Variants in LATS1 observed in about 807,000 individuals in gnomAD.
LATS1 encodes large tumor suppressor kinase 1, also known as serine/threonine-protein kinase LATS1.
LATS1 carries 25 observed loss-of-function variants against 106.6 expected under a neutral mutation model. The ratio of observed to expected loss-of-function variants is 0.23; its 90% CI spans 0.17 to 0.33. The LOEUF (loss-of-function observed/expected upper bound fraction) is 0.33. LATS1 is among the 10% of genes least tolerant of loss of function. LATS1 has a pLI of 1.00. For synonymous variants in LATS1, 465 were observed against 455.6 expected, an observed-to-expected ratio of 1.02 and a Z score of -0.26; for missense variants, 1,040 against 1,382.6, an observed-to-expected ratio of 0.75 and a Z score of 3.93.
intron 1 of LATS1, among the ~76,000 whole-genome samples, chr6:149,710,466 T>A (rs1025975866): frequency 2.0e-5 from 3 of 152,226 alleles, no homozygotes; most frequent in Non-Finnish European, 1.5e-5. Flanking sequence ...ACATAGGTCA[T>A]GGGTCAGAGT....
chr6:149,704,887 T>TACACACACACACACACACACAC (rs57029776), intron 1 of LATS1, among the ~76,000 whole-genome samples: 2 of 139,798 alleles, frequency 1.4e-5, no homozygotes, highest in African/African-American at 5.4e-5. Flanking sequence ...AAATTAATTA[T>TACACACACACACACACACACAC]ACACACACAC....
intron 4 of LATS1, 27 bp downstream of exon 4, chr6:149,683,052 A>G (rs1159908481): frequency 1.3e-6 from 2 of 1,562,922 alleles, no homozygotes; most frequent in South Asian, 2.3e-5. Flanking sequence ...GATTAAGTAT[A>G]AAAATGGACA....
chr6:149,660,094 C>G lies in LATS1; in HGVS notation c.*1635G>C, dbSNP rs898091700. 4.3e-6 allele frequency: 1 copy of G among 232,236 alleles called. No homozygotes were observed. The highest frequency in any genetic ancestry group is 8.5e-6 in the Non-Finnish European group (1 of 117,622). 14.4% of individuals were successfully genotyped at this position (232,236 alleles called of 1,614,324 possible). A position where few individuals can be genotyped will look rare whatever the true frequency, so the allele number is the denominator to read the frequency against. ...TGGCACAGAGGTCCATAACCTACAG[C>G]CTGTGATAGGTTTCAATATGTCCAA... On this transcript the variant is annotated 3_prime_UTR_variant, in exon 8 of 8. Coordinates refer to ENST00000543571, the MANE Select transcript of LATS1 (RefSeq NM_004690.4).
In LATS1 at chr6:149,683,648, G is replaced by A; in HGVS notation, c.1441C>T (p.Pro481Ser). Residue 481 changes from proline (P) to serine (S), a missense_variant, in exon 4 of 8, where the codon CCT becomes TCT. Pro to Ser is a moderately conservative substitution (Grantham distance 74, BLOSUM62 -1). Around this residue, in one of 7 missense-constraint regions of LATS1, gnomAD observed 624 missense variants for 714.8 expected, o/e 0.87. Transcript: ENST00000543571. ...NRASHSANSQ[P>S]SATTVTAITP... ...ATTGCAGTGACTGTTGTAGCAGAAGGCTGAGAATTAGCAGAGTGACTTGCT... is the reference window on the plus strand; with the variant it reads ...ATTGCAGTGACTGTTGTAGCAGAAGACTGAGAATTAGCAGAGTGACTTGCT... The A allele has an allele frequency of 6.2e-7, 1 of 1,614,098 alleles. No homozygotes were observed. The highest frequency in any genetic ancestry group is 8.5e-7 in the Non-Finnish European group (1 of 1,179,998).
intron 5 of LATS1, among the ~76,000 whole-genome samples, chr6:149,678,345 A>AAAC (rs2114780671): frequency 1.3e-5 from 2 of 149,722 alleles, no homozygotes; most frequent in Non-Finnish European, 3.0e-5. Flanking sequence ...CTCCGTCTCA[A>AAAC]AAACAAACAA....
chr6:149,701,089 A>G (rs1362672384), intron 2 of LATS1, among the ~76,000 whole-genome samples: 1 of 152,218 alleles, frequency 6.6e-6, no homozygotes, highest in East Asian at 1.9e-4. Context: ...GGCCTGGCCT[A>G]ACTTTTGATT....
At chr6:149,712,486 T>G (rs921149682) in intron 1 of LATS1, among the ~76,000 whole-genome samples, 1 of 151,136 alleles carries the variant, frequency 6.6e-6, no homozygotes, top group Admixed American at 6.6e-5. Flanking sequence ...TGTGAGCCAC[T>G]GCGCCCAGCC....
At chr6:149,696,540 CAA>C (rs1317576961) in intron 2 of LATS1, among the ~76,000 whole-genome samples, 13 of 66,102 alleles carry the variant, frequency 2.0e-4, no homozygotes, top group Non-Finnish European at 2.7e-4. Flanking sequence ...GCCTGGGCAA[CAA>C]GAGTAAAACT....
intron 4 of LATS1, 65 bp downstream of exon 4, chr6:149,683,014 T>C (rs750898004): frequency 5.4e-6 from 7 of 1,304,922 alleles, no homozygotes; most frequent in East Asian, 4.7e-5. Context: ...GGACACAATA[T>C]TTTAAAATAA....
chr6:149,694,491 T>C (rs916818840), intron 3 of LATS1, among the ~76,000 whole-genome samples: 1 of 152,204 alleles, frequency 6.6e-6, no homozygotes, highest in African/African-American at 2.4e-5. Context: ...TCTATTTTAA[T>C]GTGGCTAGTA....
intron 3 of LATS1, among the ~76,000 whole-genome samples, chr6:149,686,439 G>A (rs1782378610): frequency 6.6e-6 from 1 of 152,026 alleles, no homozygotes; most frequent in African/African-American, 2.4e-5. Context: ...CTCCCACAGA[G>A]CTCTCCATGT....
At chr6:149,695,287 G>T (rs113287650) in intron 2 of LATS1, 66 bp from the exon 3 acceptor site, 13 of 1,007,638 alleles carry the variant, frequency 1.3e-5, no homozygotes, top group African/African-American at 9.9e-5. Flanking sequence ...ACAAGGGAAA[G>T]AACACTATGA....
At chr6:149,700,581 TAC>T (rs1287302550) in intron 2 of LATS1, among the ~76,000 whole-genome samples, 1 of 152,090 alleles carries the variant, frequency 6.6e-6, no homozygotes, top group Non-Finnish European at 1.5e-5. Context: ...TTAAATTAAA[TAC>T]AGATATATAT....
chr6:149,701,851 T>G lies in LATS1; in HGVS notation c.276A>C (p.Thr92=). The G allele has an allele frequency of 6.2e-7, 1 of 1,614,192 alleles. No individual in the cohort carries two copies. Among genetic ancestry groups the G allele is most frequent in the South Asian group, 1.1e-5 (1 of 91,084 alleles). The change falls in exon 2 of 8, where the codon ACA becomes ACC. Residue 92 remains threonine (T), a synonymous_variant. Coordinates refer to ENST00000543571, the MANE Select transcript of LATS1 (RefSeq NM_004690.4). The part of the protein sequence containing the change: ...RNSLLPFANE[T]NSSRSTSEVN... ...CTTCTGAAGTACTCCGAGAAGAATT[T>G]GTTTCATTTGCAAATGGAAGCAGAG...
Position 149,660,084 on chromosome 6 carries a change from TA to T in LATS1, c.*1644del, listed in dbSNP as rs1780831566. 4.3e-6 allele frequency: 1 copy of T among 232,420 alleles called. No homozygotes were observed. The highest frequency in any genetic ancestry group is 8.5e-6 in the Non-Finnish European group (1 of 117,680). The allele number at this position is 232,420 out of a possible 1,614,324, so 14.4% of individuals were successfully genotyped here. A position where few individuals can be genotyped will look rare whatever the true frequency, so the allele number is the denominator to read the frequency against. ...AATTTTCTCATGGCACAGAGGTCCA[TA>T]ACCTACAGCCTGTGATAGGTTTCAA... On this transcript the variant is annotated 3_prime_UTR_variant, in exon 8 of 8. Coordinates refer to ENST00000543571, the MANE Select transcript of LATS1 (RefSeq NM_004690.4).
chr6:149,683,352 A>G lies in LATS1; in HGVS notation c.1737T>C (p.Pro579=). The change falls in exon 4 of 8, where the codon CCT becomes CCC. Residue 579 remains proline, a synonymous_variant. Coordinates refer to ENST00000543571, the MANE Select transcript of LATS1 (RefSeq NM_004690.4). ...SVPPYESISK[P]SKEDQPSLPK... ...GCAAGCTTGGCTGATCCTCTTTGCT[A>G]GGCTTACTGATTGACTCGTATGGAG... 1 of 1,614,102 alleles carries G rather than the reference A, an allele frequency of 6.2e-7. No homozygotes were observed. Among genetic ancestry groups the G allele is most frequent in the African/African-American group, 1.3e-5 (1 of 75,008 alleles).
intron 3 of LATS1, among the ~76,000 whole-genome samples, chr6:149,689,597 A>C (rs1448230236): frequency 6.6e-6 from 1 of 152,142 alleles, no homozygotes; most frequent in Non-Finnish European, 1.5e-5. Context: ...AGCATCCTTC[A>C]ATGGCCTCAG....
At position 149,685,989 on chromosome 6, in the gene LATS1, A is replaced by G. The variant is rs187761090; in HGVS notation, c.497-1397T>C. ...AGAAAAAAACAAAAGACCATTCAAT[A>G]GTATTGGGGTACCTCTTGCGAATGT... On this transcript the variant is annotated intron_variant, in intron 3 of 7. Coordinates refer to ENST00000543571, the MANE Select transcript of LATS1 (RefSeq NM_004690.4). Among the ~76,000 whole-genome samples the G allele has an allele frequency of 3.9e-5, 6 of 152,338 alleles. No individual in the cohort carries two copies. The East Asian group carries it at 9.6e-4, about 24-fold the overall frequency.
Position 149,678,164 on chromosome 6 carries a change from C to CAAAAAA in LATS1, c.2594-1433_2594-1428dup, listed in dbSNP as rs56884854. Among the ~76,000 whole-genome samples the CAAAAAA allele has an allele frequency of 6.7e-3, 292 of 43,518 alleles. 81 individuals are homozygous for CAAAAAA. Among genetic ancestry groups the CAAAAAA allele is most frequent in the Middle Eastern group, 0.021 (1 of 48 alleles). 28.5% of individuals were successfully genotyped at this position (43,518 alleles called of 152,430 possible). On this transcript the variant is annotated intron_variant, in intron 5 of 7. Coordinates refer to ENST00000543571, the MANE Select transcript of LATS1 (RefSeq NM_004690.4). ...TGAAACCTGGTCTCTACTAAAAATCCAAAAAAAAAAAAAAAAAAAAAAAAA... is the reference window on the plus strand; with the variant it reads ...TGAAACCTGGTCTCTACTAAAAATCCAAAAAAAAAAAAAAAAAAAAAAAAAAAAAAA...
Sources: allele counts gnomAD v4.1 joint callset (sites outside exome capture counted in the v4.1 genomes callset), GRCh38; gene constraint gnomAD v4.1.1; regional missense constraint gnomAD v4.1.1; transcripts MANE v1.5; gene names NCBI Gene and HGNC (gene_info 2026-07-23, HGNC 2026-07-21).